FAM151B: variants seen among roughly 807,000 people sequenced by gnomAD.
FAM151B encodes protein FAM151B.
A neutral mutation model predicts 31.2 loss-of-function variants in FAM151B; 24 were observed. The observed-to-expected ratio is 0.77, with a 90% confidence interval of 0.56 to 1.08. The LOEUF (loss-of-function observed/expected upper bound fraction) is 1.08. Ranked by LOEUF, FAM151B falls within the 50% of genes least tolerant of loss-of-function variation. The pLI, the probability that FAM151B is intolerant of heterozygous loss-of-function variation, is 0.00. For synonymous variants in FAM151B, 105 were observed against 111.4 expected, an observed-to-expected ratio of 0.94 and a Z score of 0.36; for missense variants, 293 against 328.6, an observed-to-expected ratio of 0.89 and a Z score of 0.84.
intron 1 of FAM151B, among the ~76,000 whole-genome samples, chr5:80,493,153 G>A (rs1408256549): frequency 6.6e-6 from 1 of 152,176 alleles, no homozygotes; most frequent in Non-Finnish European, 1.5e-5. Context: ...TGATATGGAT[G>A]TTGTGGGAAG....
intron 1 of FAM151B, chr5:80,501,152 T>G (rs1743725156): frequency 2.7e-6 from 1 of 368,564 alleles, no homozygotes; most frequent in African/African-American, 2.1e-5. Context: ...TAACTGGGAT[T>G]ACAGGCGTGT....
chr5:80,535,627 A>G (rs1303107019), intron 5 of FAM151B, among the ~76,000 whole-genome samples: 1 of 152,226 alleles, frequency 6.6e-6, no homozygotes, highest in African/African-American at 2.4e-5. Context: ...ACCTCAAACT[A>G]TGAAACTACT....
chr5:80,530,783 A>G (rs1745204014), intron 5 of FAM151B, among the ~76,000 whole-genome samples: 1 of 152,248 alleles, frequency 6.6e-6, no homozygotes, highest in Non-Finnish European at 1.5e-5. Flanking sequence ...GATAGGAAGA[A>G]TCAATACCGT....
chr5:80,524,637 G>A (rs1231177188), intron 5 of FAM151B, among the ~76,000 whole-genome samples: 1 of 152,064 alleles, frequency 6.6e-6, no homozygotes, highest in Non-Finnish European at 1.5e-5. Flanking sequence ...AGATAGGAAG[G>A]AAAAGTCCAT....
chr5:80,498,456 G>A, intron 1 of FAM151B: 1 of 502,392 alleles, frequency 2.0e-6, no homozygotes, highest in Non-Finnish European at 3.6e-6. Context: ...CCATTTTTAG[G>A]TTTAAGGTTT....
chr5:80,505,367 A>G (rs1203646055), intron 2 of FAM151B, among the ~76,000 whole-genome samples: 1 of 151,482 alleles, frequency 6.6e-6, no homozygotes, highest in Non-Finnish European at 1.5e-5. Flanking sequence ...CTTAGAGAAG[A>G]GAGACATAGC....
At position 80,522,045 on chromosome 5, in the gene FAM151B, A is replaced by G; in HGVS notation, c.578A>G (p.Asn193Ser). 6.2e-7 allele frequency: 1 copy of G among 1,611,434 alleles called. No homozygotes were observed. Among genetic ancestry groups the G allele is most frequent in the Non-Finnish European group, 8.5e-7 (1 of 1,177,948 alleles). ...TMVKEMEYICNELSQPVTFPV... is the reference protein window; with the variant it reads ...TMVKEMEYICSELSQPVTFPV... ...GTGAAAGAGATGGAATATATATGTA[A>G]TGAACTAAGTCAGCCTGTAACGTTC... The change falls in exon 5 of 6, where the codon AAT (asparagine) becomes AGT (serine). Residue 193 changes from asparagine to serine, a missense_variant. Coordinates refer to ENST00000282226, the MANE Select transcript of FAM151B (RefSeq NM_205548.3).
At chr5:80,499,280 C>G (rs1023952048) in intron 1 of FAM151B, among the ~76,000 whole-genome samples, 1 of 152,064 alleles carries the variant, frequency 6.6e-6, no homozygotes, top group Non-Finnish European at 1.5e-5. Flanking sequence ...TCTTGGTTAA[C>G]TCACAAGTTT....
rs1743868556 is a variant in FAM151B, at chr5:80,504,404, G to T, written c.151+2487G>T. ...GTTCCCCCTTTTTTTTCATGTAGGA[G>T]ACCTTAGGAACATACTTTACATGGG... On this transcript the variant is annotated intron_variant, in intron 2 of 5. Coordinates refer to ENST00000282226, the MANE Select transcript of FAM151B (RefSeq NM_205548.3). 2.7e-5 allele frequency among the ~76,000 whole-genome samples: 4 copies of T among 150,710 alleles called. No homozygotes were observed. The South Asian group carries it at 8.4e-4, about 32-fold the overall frequency.
intron 5 of FAM151B, among the ~76,000 whole-genome samples, chr5:80,536,747 C>T (rs973042063): frequency 2.6e-5 from 4 of 152,052 alleles, no homozygotes; most frequent in African/African-American, 9.7e-5. Context: ...TCATTTGCAA[C>T]GACATGGGTG....
chr5:80,533,910 A>C (rs748278454), intron 5 of FAM151B, among the ~76,000 whole-genome samples: 21 of 152,134 alleles, frequency 1.4e-4, no homozygotes, highest in Non-Finnish European at 1.0e-4. Flanking sequence ...ATAAAATCAG[A>C]TATGAAAAAG....
At chr5:80,513,891 G>A in intron 3 of FAM151B, 122 bp downstream of exon 3, 2 of 935,480 alleles carry the variant, frequency 2.1e-6, no homozygotes, top group Non-Finnish European at 3.0e-6. Context: ...TTTCAGGACT[G>A]AACCTAAATG....
chr5:80,541,972 T>A lies in FAM151B; in HGVS notation c.*140T>A. On this transcript the variant is annotated 3_prime_UTR_variant, in exon 6 of 6. Transcript: ENST00000282226. ...CAAGAAACGTTTATTGTATGCTTAC[T>A]CTGTGGGCATATGTCCTTATAATAG... 3 of 858,416 alleles carry A rather than the reference T, an allele frequency of 3.5e-6. No individual in the cohort carries two copies. Among genetic ancestry groups the A allele is most frequent in the Non-Finnish European group, 5.3e-6 (3 of 565,660 alleles). 53.2% of individuals were successfully genotyped at this position (858,416 alleles called of 1,614,324 possible). A position where few individuals can be genotyped will look rare whatever the true frequency, so the allele number is the denominator to read the frequency against.
chr5:80,488,652 G>C (rs1458920689), intron 1 of FAM151B, among the ~76,000 whole-genome samples: 1 of 152,192 alleles, frequency 6.6e-6, no homozygotes. Flanking sequence ...CAGCAGTTCC[G>C]CTCTTGAAGG....
intron 5 of FAM151B, among the ~76,000 whole-genome samples, chr5:80,535,811 A>G (rs751895610): frequency 1.3e-5 from 2 of 152,194 alleles, no homozygotes; most frequent in African/African-American, 2.4e-5. Context: ...AATGTACAGA[A>G]TGGGAGAAAA....
chr5:80,518,103 A>G (rs1441471731), intron 3 of FAM151B, among the ~76,000 whole-genome samples: 1 of 151,244 alleles, frequency 6.6e-6, no homozygotes, highest in Non-Finnish European at 1.5e-5. Context: ...AAGAAACTGG[A>G]TATTATCAGA....
intron 5 of FAM151B, among the ~76,000 whole-genome samples, chr5:80,532,490 A>G (rs539196415): frequency 3.3e-5 from 5 of 152,320 alleles, no homozygotes; most frequent in South Asian, 2.1e-4. Flanking sequence ...ACACTGGAGC[A>G]CCCAGATATA....
chr5:80,489,093 A>C (rs898310919), intron 1 of FAM151B, among the ~76,000 whole-genome samples: 1 of 152,180 alleles, frequency 6.6e-6, no homozygotes, highest in African/African-American at 2.4e-5. Flanking sequence ...GGTTTTTATA[A>C]ACATAATTTT....
intron 1 of FAM151B, among the ~76,000 whole-genome samples, chr5:80,489,368 T>C (rs1467080388): frequency 6.6e-6 from 1 of 152,148 alleles, no homozygotes; most frequent in Non-Finnish European, 1.5e-5. Flanking sequence ...GTGCTAAACC[T>C]CCGTAGAACA....
Sources: allele counts gnomAD v4.1 joint callset (sites outside exome capture counted in the v4.1 genomes callset), GRCh38; gene constraint gnomAD v4.1.1; transcripts MANE v1.5; gene names NCBI Gene and HGNC (gene_info 2026-07-23, HGNC 2026-07-21).